Variants in TCF15 observed in about 807,000 individuals in gnomAD.
TCF15 encodes the protein TCF-15.
A neutral mutation model predicts 11.1 loss-of-function variants in TCF15; 7 were observed. The observed-to-expected ratio is 0.63, with a 90% CI of 0.36 to 1.19. TCF15 has a LOEUF of 1.19. Among genes scored for constraint, TCF15 ranks in the 50% most tolerant of loss-of-function variants. The probability of loss-of-function intolerance (pLI) is 0.02; values close to 1 mark genes in which losing one functional copy is unlikely to be tolerated. For missense variants in TCF15, 288 were observed against 289.4 expected, an observed-to-expected ratio of 1.00 and a Z score of 0.03; for synonymous variants, 144 against 138.9, an observed-to-expected ratio of 1.04 and a Z score of -0.26.
chr20:610,284 C>T lies in TCF15; in HGVS notation c.-47G>A. The T allele has an allele frequency of 1.0e-6, 1 of 987,842 alleles. No homozygotes were observed. The allele number at this position is 987,842 out of a possible 1,614,324, so 61.2% of individuals were successfully genotyped here. A position where few individuals can be genotyped will look rare whatever the true frequency, so the allele number is the denominator to read the frequency against. On this transcript the variant is annotated 5_prime_UTR_variant, in exon 1 of 2. Transcript: ENST00000246080. Reference sequence around the variant, plus strand: ...GTGCGCCGCGTCCCAGCGTCGGCCGCGCCCCGCCGTGCGCTCCCGCGCGCT... The same window carrying T: ...GTGCGCCGCGTCCCAGCGTCGGCCGTGCCCCGCCGTGCGCTCCCGCGCGCT...
chr20:605,342 G>C (rs1206582248), intron 1 of TCF15, among the ~76,000 whole-genome samples: 1 of 152,238 alleles, frequency 6.6e-6, no homozygotes, highest in Non-Finnish European at 1.5e-5. Flanking sequence ...TTTAAAAGGG[G>C]ACTCGGTTTC....
At position 604,627 on chromosome 20, in the gene TCF15, C is replaced by T. The variant is rs1356230284; in HGVS notation, c.564G>A (p.Val188=). 2 of 1,554,104 alleles carry T rather than the reference C, an allele frequency of 1.3e-6. No homozygotes were observed. The highest frequency in any genetic ancestry group is 1.9e-5 in the Admixed American group (1 of 51,650). ...RRDLGGSCLK[V]RGVAPLRGPR... is the part of the protein sequence containing the mutation. ...GCCCTCGAAGGGGGGCCACCCCCCT[C>T]ACCTTCAAGCAGCTGCCCCCCAGGT... The change falls in exon 2 of 2, where the codon GTG becomes GTA. Residue 188 remains valine (V), a synonymous_variant. Transcript: ENST00000246080. This position sits in a 1 kb window ranked among gnomAD's most constrained non-coding sequence, Gnocchi z 4.2.
rs1339785984 is a variant in TCF15, at chr20:610,067, C to T, written c.171G>A (p.Arg57=). 5 of 1,006,470 alleles carry T rather than the reference C, an allele frequency of 5.0e-6. No individual in the cohort carries two copies. Among genetic ancestry groups the T allele is most frequent in the Non-Finnish European group, 5.9e-6 (5 of 845,520 alleles). 62.3% of individuals were successfully genotyped at this position (1,006,470 alleles called of 1,614,324 possible). A position where few individuals can be genotyped will look rare whatever the true frequency, so the allele number is the denominator to read the frequency against. Residue 57 remains arginine (R), a synonymous_variant, in exon 1 of 2, where the codon CGG becomes CGA. Coordinates refer to ENST00000246080, the MANE Select transcript of TCF15 (RefSeq NM_004609.4). ...ARRGPGPGGG[R]RAGGGGGAGP... is the part of the protein sequence containing the mutation. The stretch of plus-strand genomic sequence containing the variant: ...CCGCGCCGCCGCCGCCGCCCGCCCG[C>T]CGCCCGCCCCCGGGGCCCGGGCCGC...
chr20:608,367 G>A (rs1040278366), intron 1 of TCF15, among the ~76,000 whole-genome samples: 2 of 152,194 alleles, frequency 1.3e-5, no homozygotes, highest in Non-Finnish European at 2.9e-5. Context: ...GGAATGAATG[G>A]GTGAAAGGCA....
rs1191761793 is a variant in TCF15 at position 604,342 on chromosome 20, G to A, written c.*249C>T. On this transcript the variant is annotated 3_prime_UTR_variant, in exon 2 of 2. Transcript: ENST00000246080. The surrounding 1 kb of genome is among the most constrained non-coding windows in gnomAD (Gnocchi z 4.2). ...TCACGCACAGATACACACACACCCT[G>A]TCACCAACAGTCTTTGTTTTTCCAA... is the stretch of plus-strand genomic sequence containing the variant. 1 of 581,560 alleles carries A rather than the reference G, an allele frequency of 1.7e-6. No individual in the cohort carries two copies. The highest frequency in any genetic ancestry group is 1.9e-5 in the African/African-American group (1 of 53,390). The allele number at this position is 581,560 out of a possible 1,614,324, so 36.0% of individuals were successfully genotyped here.
chr20:604,689 A>G lies in TCF15; in HGVS notation c.526-24T>C. 1.3e-6 allele frequency: 2 copies of G among 1,540,978 alleles called. No individual in the cohort carries two copies. Among genetic ancestry groups the G allele is most frequent in the Non-Finnish European group, 1.8e-6 (2 of 1,141,754 alleles). ...CCCTGCAGAGGGGGAGAAAGAGTATAAAGAGGTTCGATTAGGCCAGTGTGA... is the reference window on the plus strand; with the variant it reads ...CCCTGCAGAGGGGGAGAAAGAGTATGAAGAGGTTCGATTAGGCCAGTGTGA... On this transcript the variant is annotated intron_variant, in intron 1 of 1. Transcript: ENST00000246080. This position sits in a 1 kb window ranked among gnomAD's most constrained non-coding sequence, Gnocchi z 4.2.
Position 610,088 on chromosome 20 carries a change from G to C in TCF15, c.150C>G (p.Gly50=). 1.0e-6 allele frequency: 1 copy of C among 984,160 alleles called. No individual in the cohort carries two copies. Among genetic ancestry groups the C allele is most frequent in the Non-Finnish European group, 1.2e-6 (1 of 830,102 alleles). The allele number at this position is 984,160 out of a possible 1,614,324, so 61.0% of individuals were successfully genotyped here. The change falls in exon 1 of 2, where the codon GGC becomes GGG. Residue 50 remains glycine, a synonymous_variant. Coordinates refer to ENST00000246080, the MANE Select transcript of TCF15 (RefSeq NM_004609.4). ...CCCGCCGCCCGCCCCCGGGGCCCGG[G>C]CCGCGCCGCGCCGCCTCCGGGCCCT... ...CCEGPEAARR[G]PGPGGGRRAG...
At position 605,530 on chromosome 20, in the gene TCF15, C is replaced by A. The variant is rs561156637; in HGVS notation, c.526-865G>T. Among the ~76,000 whole-genome samples the A allele has an allele frequency of 2.6e-5, 4 of 152,384 alleles. No individual in the cohort carries two copies. The South Asian group carries it at 8.3e-4, about 32-fold the overall frequency. On this transcript the variant is annotated intron_variant, in intron 1 of 1. Coordinates refer to ENST00000246080, the MANE Select transcript of TCF15 (RefSeq NM_004609.4). ...CAGGGTCTCTCCTTTGTCTCCCCAT[C>A]TGGACTGGGATCTCAGGGAGTGGTA...
chr20:604,751 C>A lies in TCF15; in HGVS notation c.526-86G>T. On this transcript the variant is annotated intron_variant, in intron 1 of 1. Coordinates refer to ENST00000246080, the MANE Select transcript of TCF15 (RefSeq NM_004609.4). This position sits in a 1 kb window ranked among gnomAD's most constrained non-coding sequence, Gnocchi z 4.2. ...AACCTCTGTATCCCTCAAGAGGGAT[C>A]CTGATCAATAAATCACAGTTCAGCC... The A allele has an allele frequency of 9.6e-7, 1 of 1,043,984 alleles. No homozygotes were observed. The highest frequency in any genetic ancestry group is 1.7e-5 in the South Asian group (1 of 60,480). The allele number at this position is 1,043,984 out of a possible 1,614,324, so 64.7% of individuals were successfully genotyped here.
At chr20:607,584 CA>C (rs1211719406) in intron 1 of TCF15, among the ~76,000 whole-genome samples, 1 of 152,250 alleles carries the variant, frequency 6.6e-6, no homozygotes, top group Non-Finnish European at 1.5e-5. Context: ...ATGGTTTCTA[CA>C]GCCAAATTTG....
chr20:609,691 G>A lies in TCF15; in HGVS notation c.525+22C>T, dbSNP rs1161662158. On this transcript the variant is annotated intron_variant, in intron 1 of 1. Coordinates refer to ENST00000246080, the MANE Select transcript of TCF15 (RefSeq NM_004609.4). The surrounding 1 kb of genome is among the most constrained non-coding windows in gnomAD (Gnocchi z 4.7). Reference sequence around the variant, plus strand: ...CGCCTACCCCGACCTGGCGGCCGCAGCGAGGGACGCAGCACACTCACCCCC... The same window carrying A: ...CGCCTACCCCGACCTGGCGGCCGCAACGAGGGACGCAGCACACTCACCCCC... The A allele has an allele frequency of 4.5e-6, 6 of 1,339,502 alleles. No homozygotes were observed. The highest frequency in any genetic ancestry group is 5.7e-6 in the Non-Finnish European group (6 of 1,053,592). 83.0% of individuals were successfully genotyped at this position (1,339,502 alleles called of 1,614,324 possible).
chr20:609,001 C>T lies in TCF15; in HGVS notation c.525+712G>A, dbSNP rs950358931. Among the ~76,000 whole-genome samples the T allele has an allele frequency of 1.3e-5, 2 of 152,152 alleles. No homozygotes were observed. Among genetic ancestry groups the T allele is most frequent in the African/African-American group, 4.8e-5 (2 of 41,436 alleles). ...CATTGCAGGAGCTGCACACCAGCTC[C>T]CTCCAGCTGACCCAAGAGTGCCCTC... is the stretch of plus-strand genomic sequence containing the variant. On this transcript the variant is annotated intron_variant, in intron 1 of 1. Transcript: ENST00000246080. The surrounding 1 kb of genome is among the most constrained non-coding windows in gnomAD (Gnocchi z 4.7).
At position 610,149 on chromosome 20, in the gene TCF15, T is replaced by G; in HGVS notation, c.89A>C (p.Glu30Ala). The G allele has an allele frequency of 9.7e-7, 1 of 1,035,202 alleles. No individual in the cohort carries two copies. The highest frequency in any genetic ancestry group is 1.2e-6 in the Non-Finnish European group (1 of 857,180). 64.1% of individuals were successfully genotyped at this position (1,035,202 alleles called of 1,614,324 possible). ...GAACGACTGGTCCGACGCGTCGCTC[T>G]CGCTGCGGTTCTCCTCGTCCTCGCT... ...LLSEDEENRSESDASDQSFGC... is the reference protein window; with the variant it reads ...LLSEDEENRSASDASDQSFGC... Residue 30 changes from glutamate (E) to alanine (A), a missense_variant, in exon 1 of 2, where the codon GAG becomes GCG. Coordinates refer to ENST00000246080, the MANE Select transcript of TCF15 (RefSeq NM_004609.4).
chr20:604,291 C>T lies in TCF15; in HGVS notation c.*300G>A. On this transcript the variant is annotated 3_prime_UTR_variant, in exon 2 of 2. Coordinates refer to ENST00000246080, the MANE Select transcript of TCF15 (RefSeq NM_004609.4). This position sits in a 1 kb window ranked among gnomAD's most constrained non-coding sequence, Gnocchi z 4.2. ...AAAATAGCTTTTATTTTAAACTCAC[C>T]AATTCTCTCTCACACACACTCACAC... 4.2e-6 allele frequency: 2 copies of T among 477,814 alleles called. No homozygotes were observed. Among genetic ancestry groups the T allele is most frequent in the Middle Eastern group, 5.8e-4 (1 of 1,714 alleles). 29.6% of individuals were successfully genotyped at this position (477,814 alleles called of 1,614,324 possible). A position where few individuals can be genotyped will look rare whatever the true frequency, so the allele number is the denominator to read the frequency against.
At chr20:605,012 G>T (rs2019960828) in intron 1 of TCF15, among the ~76,000 whole-genome samples, 2 of 152,118 alleles carry the variant, frequency 1.3e-5, no homozygotes, top group Non-Finnish European at 2.9e-5. Context: ...TGTTTTTTGA[G>T]ATGGAGTCTT....
rs1330861417 is a variant in TCF15 at position 604,608 on chromosome 20, G to A, written c.583C>T (p.Arg195Ter). ...CLKVRGVAPL[R>*]GPRR ...GTCCAGGCTCATCTCCGTGGCCCTC[G>A]AAGGGGGGCCACCCCCCTCACCTTC... Residue 195 changes from arginine (R) to a stop codon, truncating the protein, a stop_gained, in exon 2 of 2, where the codon CGA becomes TGA. Coordinates refer to ENST00000246080, the MANE Select transcript of TCF15 (RefSeq NM_004609.4). LOFTEE classifies it high-confidence loss of function. This position sits in a 1 kb window ranked among gnomAD's most constrained non-coding sequence, Gnocchi z 4.2. 3.9e-6 allele frequency: 6 copies of A among 1,553,190 alleles called. No individual in the cohort carries two copies. The highest frequency in any genetic ancestry group is 1.4e-5 in the African/African-American group (1 of 73,080).
rs1212086422 is a variant in TCF15 at position 604,728 on chromosome 20, C to A, written c.526-63G>T. ...AGGCCAGTGTGAACACTGGAACTAA[C>A]CTCTGTATCCCTCAAGAGGGATCCT... On this transcript the variant is annotated intron_variant, in intron 1 of 1. Transcript: ENST00000246080. The surrounding 1 kb of genome is among the most constrained non-coding windows in gnomAD (Gnocchi z 4.2). 5 of 1,247,006 alleles carry A rather than the reference C, an allele frequency of 4.0e-6. No individual in the cohort carries two copies. The highest frequency in any genetic ancestry group is 2.5e-5 in the East Asian group (1 of 39,222). The allele number at this position is 1,247,006 out of a possible 1,614,324, so 77.2% of individuals were successfully genotyped here.
At chr20:606,769 G>C (rs1191303545) in intron 1 of TCF15, among the ~76,000 whole-genome samples, 1 of 149,858 alleles carries the variant, frequency 6.7e-6, no homozygotes, top group Non-Finnish European at 1.5e-5. Flanking sequence ...AGTGAGTTGA[G>C]ATCGTGCCAC....
At position 610,251 on chromosome 20, in the gene TCF15, G is replaced by C; in HGVS notation, c.-14C>G. The C allele has an allele frequency of 1.0e-6, 1 of 992,794 alleles. No homozygotes were observed. The highest frequency in any genetic ancestry group is 1.2e-6 in the Non-Finnish European group (1 of 836,044). 61.5% of individuals were successfully genotyped at this position (992,794 alleles called of 1,614,324 possible). ...CGCGAACGCCATGGGCGCCGGCCGC[G>C]TCCCTCCGTGCGCCGCGTCCCAGCG... On this transcript the variant is annotated 5_prime_UTR_variant, in exon 1 of 2. Coordinates refer to ENST00000246080, the MANE Select transcript of TCF15 (RefSeq NM_004609.4).
Sources: allele counts gnomAD v4.1 joint callset (sites outside exome capture counted in the v4.1 genomes callset), GRCh38; gene constraint gnomAD v4.1.1; non-coding constraint Gnocchi (gnomAD v3.1); transcripts MANE v1.5; gene names NCBI Gene and HGNC (gene_info 2026-07-23, HGNC 2026-07-21).